ODF2: variants seen among roughly 807,000 people sequenced by gnomAD.
The protein encoded by ODF2 is outer dense fiber of sperm tails 2.
In ODF2, 47 loss-of-function variants were observed where a neutral mutation model predicts 110.2. The ratio of observed to expected loss-of-function variants is 0.43; its 90% CI spans 0.34 to 0.54. The LOEUF (loss-of-function observed/expected upper bound fraction) is 0.54. ODF2 is among the 20% of genes least tolerant of loss of function. The probability of loss-of-function intolerance (pLI) is 0.03; values close to 1 mark genes in which losing one functional copy is unlikely to be tolerated. For synonymous variants in ODF2, 352 were observed against 397.7 expected (o/e 0.89, Z 1.37); for missense variants, 812 against 1,054.5 (o/e 0.77, Z 3.19).
chr9:128,483,962 C>G (rs1188577044), exon 11 of ODF2: 1 of 1,613,720 alleles, frequency 6.2e-7, no homozygotes, highest in Admixed American at 1.7e-5. Flanking sequence ...AGCCTCTGAG[C>G]TTTCTAAATC....
In ODF2 at chr9:128,492,413, C is replaced by G. The variant is rs1198920550; in HGVS notation, c.1537-13C>G. 29 of 1,593,860 alleles carry G rather than the reference C, an allele frequency of 1.8e-5. No homozygotes were observed. Among genetic ancestry groups the G allele is most frequent in the Non-Finnish European group, 2.5e-5 (29 of 1,161,838 alleles). ...AACCTTCCTGTGGGTTACTCATGAG[C>G]CATCCCTTCCAGGCCAGCTTTGCTC... On this transcript the variant is annotated splice_polypyrimidine_tract_variant and intron_variant, in intron 14 of 20. Coordinates refer to ENST00000604420, the Ensembl canonical transcript of ODF2.
intron 10 of ODF2, 97 bp downstream of exon 10, chr9:128,482,984 C>G: frequency 1.1e-6 from 1 of 930,240 alleles, no homozygotes; most frequent in Non-Finnish European, 1.6e-6. Context: ...CAACCTCTGC[C>G]TCCCGGATTT....
chr9:128,486,294 C>G lies in ODF2; in HGVS notation c.1400+820C>G, dbSNP rs531570653. Among the ~76,000 whole-genome samples, 15 of 152,306 alleles carry G rather than the reference C, an allele frequency of 9.8e-5. No individual in the cohort carries two copies. In the South Asian group the frequency reaches 2.7e-3, roughly 27 times the overall value. ...CTGAGAACTCACTATGTGCCAGGCT[C>G]TATGCCAGCTGCTGTCCTTAGGGAG... On this transcript the variant is annotated intron_variant, in intron 13 of 20. Transcript: ENST00000604420.
chr9:128,458,159 C>G (rs1248150867), intron 2 of ODF2, among the ~76,000 whole-genome samples: 2 of 152,064 alleles, frequency 1.3e-5, no homozygotes, highest in East Asian at 1.9e-4. Context: ...GATCTCCCCC[C>G]ACTTTGGGGG....
intron 20 of ODF2, 65 bp from the exon 21 acceptor site, chr9:128,500,002 A>T: frequency 1.3e-6 from 2 of 1,576,112 alleles, no homozygotes; most frequent in Non-Finnish European, 8.7e-7. Context: ...GAAAGTCCCT[A>T]TGTCTCTATG....
At chr9:128,456,410 C>T (rs1005704594) in intron 1 of ODF2, 155 bp downstream of exon 1, 8 of 1,471,520 alleles carry the variant, frequency 5.4e-6, no homozygotes, top group African/African-American at 1.5e-5. Flanking sequence ...AGAACCTGGG[C>T]CCCCGCCCCG....
chr9:128,465,135 A>G (rs1276416654), intron 4 of ODF2, among the ~76,000 whole-genome samples: 1 of 152,168 alleles, frequency 6.6e-6, no homozygotes, highest in Admixed American at 6.6e-5. Flanking sequence ...TAGAGGTGGA[A>G]GGTCCCAGAG....
chr9:128,467,704 T>A (rs1838607671), intron 4 of ODF2, among the ~76,000 whole-genome samples: 1 of 129,390 alleles, frequency 7.7e-6, no homozygotes, highest in South Asian at 2.4e-4. Context: ...GAGATGGCAC[T>A]ACTGCACTCC....
chr9:128,471,214 G>A (rs898555231), intron 5 of ODF2, 94 bp from the exon 6 acceptor site: 12 of 1,311,154 alleles, frequency 9.2e-6, no homozygotes, highest in Middle Eastern at 2.3e-4. Context: ...ACGCCCGGCC[G>A]GGGCCTTATT....
chr9:128,457,079 C>T (rs56290201), intron 1 of ODF2: 32,811 of 1,344,500 alleles, frequency 0.024, 442 homozygotes, highest in Non-Finnish European at 0.028. Flanking sequence ...CACCGGCAGT[C>T]CTCCGCGTGG....
chr9:128,482,896 C>CTTTTCT lies in ODF2; in HGVS notation c.987+13_987+14insCTTTTT. 7.6e-7 allele frequency: 1 copy of CTTTTCT among 1,323,468 alleles called. No individual in the cohort carries two copies. Among genetic ancestry groups the CTTTTCT allele is most frequent in the East Asian group, 2.6e-5 (1 of 38,084 alleles). The allele number at this position is 1,323,468 out of a possible 1,614,324, so 82.0% of individuals were successfully genotyped here. Reference sequence around the variant, plus strand: ...AAATACAATGTGAGAAGGTAGTGTGCTTTTTTTTTTTTTTTTTTTAGACGG... The same window carrying CTTTTCT: ...AAATACAATGTGAGAAGGTAGTGTGCTTTTCTTTTTTTTTTTTTTTTTTTTAGACGG... On this transcript the variant is annotated intron_variant, in intron 10 of 20. Transcript: ENST00000604420.
At chr9:128,490,608 TAA>T (rs1844349359) in intron 14 of ODF2, among the ~76,000 whole-genome samples, 1 of 152,122 alleles carries the variant, frequency 6.6e-6, no homozygotes, top group Non-Finnish European at 1.5e-5. Flanking sequence ...TTATAAAAGT[TAA>T]ATATGCTCAT....
At chr9:128,489,670 C>A (rs1451866888) in intron 14 of ODF2, among the ~76,000 whole-genome samples, 2 of 152,202 alleles carry the variant, frequency 1.3e-5, no homozygotes, top group African/African-American at 4.8e-5. Flanking sequence ...CATAGTGTTG[C>A]TGTGAACATC....
Position 128,494,904 on chromosome 9 carries a change from C to T in ODF2, c.1911+236C>T. ...CACTTGCGTGGAGTCACTGGGCCCT[C>T]CTGCTGTTGCCCCCACCCAAGACTG... On this transcript the variant is annotated intron_variant, in intron 17 of 20. Coordinates refer to ENST00000604420, the Ensembl canonical transcript of ODF2. The surrounding 1 kb of genome is among the most constrained non-coding windows in gnomAD (Gnocchi z 4.6). The T allele has an allele frequency of 7.4e-7, 1 of 1,359,266 alleles. No homozygotes were observed. Among genetic ancestry groups the T allele is most frequent in the Admixed American group, 2.6e-5 (1 of 37,902 alleles). 84.2% of individuals were successfully genotyped at this position (1,359,266 alleles called of 1,614,324 possible). A position where few individuals can be genotyped will look rare whatever the true frequency, so the allele number is the denominator to read the frequency against.
intron 13 of ODF2, among the ~76,000 whole-genome samples, 186 bp from the exon 14 acceptor site, chr9:128,487,704 A>G (rs371350860): frequency 7.9e-5 from 12 of 151,564 alleles, no homozygotes; most frequent in Admixed American, 2.6e-4. Context: ...GGAGAATGGC[A>G]TGAACACGGG....
intron 4 of ODF2, among the ~76,000 whole-genome samples, chr9:128,461,677 C>G (rs1456706672): frequency 6.6e-6 from 1 of 152,170 alleles, no homozygotes; most frequent in Non-Finnish European, 1.5e-5. Context: ...CCTCGGCCTC[C>G]CAAGGTGTTG....
At chr9:128,492,842 A>G in intron 16 of ODF2, 37 bp downstream of exon 16, 1 of 1,532,676 alleles carries the variant, frequency 6.5e-7, no homozygotes, top group Non-Finnish European at 9.0e-7. Flanking sequence ...CTCCTACCCA[A>G]TTCCATATCT....
chr9:128,456,645 C>T, intron 1 of ODF2: 2 of 1,484,272 alleles, frequency 1.3e-6, no homozygotes, highest in Non-Finnish European at 1.8e-6. Context: ...GGCGGCATCG[C>T]CCCGACCGCC....
intron 2 of ODF2, among the ~76,000 whole-genome samples, chr9:128,457,770 C>CAGTT (rs1835292480): frequency 6.6e-6 from 1 of 151,924 alleles, no homozygotes; most frequent in Non-Finnish European, 1.5e-5. Context: ...GTGGATGTGG[C>CAGTT]AGTTAGCAAG....
Sources: gnomAD v4.1 joint callset for allele counts (sites outside exome capture counted in the v4.1 genomes callset) on GRCh38, gnomAD v4.1.1 for gene constraint, Gnocchi (gnomAD v3.1) non-coding constraint, MANE v1.5 for transcripts, NCBI Gene and HGNC (gene_info 2026-07-23, HGNC 2026-07-21) for gene names.